XRCC4: variants seen among roughly 807,000 people sequenced by gnomAD.
The protein encoded by XRCC4 is X-ray repair cross complementing 4.
XRCC4 carries 28 observed loss-of-function variants against 39.1 expected under a neutral mutation model. The observed-to-expected ratio is 0.72, with a 90% CI of 0.53 to 0.98. The LOEUF (loss-of-function observed/expected upper bound fraction) is 0.98, where lower values mean the gene tolerates loss of function less well. Ranked by LOEUF, XRCC4 falls within the 50% of genes least tolerant of loss-of-function variation. XRCC4 has a pLI of 0.00. For synonymous variants in XRCC4, 123 were observed against 126.4 expected (o/e 0.97, Z 0.18); for missense variants, 350 against 376.4 (o/e 0.93, Z 0.58).
At chr5:83,253,542 A>G (rs1487993862) in intron 6 of XRCC4, among the ~76,000 whole-genome samples, 2 of 151,926 alleles carry the variant, frequency 1.3e-5, no homozygotes, top group African/African-American at 4.8e-5. Flanking sequence ...GCTAGAGATG[A>G]GCATATCTGT....
intron 3 of XRCC4, among the ~76,000 whole-genome samples, chr5:83,116,608 CTTTTTTTTTTT>C (rs559079642): frequency 1.3e-4 from 13 of 103,196 alleles, no homozygotes; most frequent in Admixed American, 2.6e-4. Context: ...TTCTCTCTCT[CTTTTTTTTTTT>C]TTTTTTTTTT....
intron 7 of XRCC4, among the ~76,000 whole-genome samples, chr5:83,308,434 C>G (rs1755565911): frequency 6.6e-6 from 1 of 151,938 alleles, no homozygotes; most frequent in Non-Finnish European, 1.5e-5. Flanking sequence ...CCACTTTTAA[C>G]CATTTATATT....
intron 3 of XRCC4, among the ~76,000 whole-genome samples, chr5:83,130,508 C>CT (rs1217770860): frequency 1.3e-5 from 2 of 152,096 alleles, no homozygotes; most frequent in Non-Finnish European, 2.9e-5. Flanking sequence ...AGGATTCCCT[C>CT]TTTTTTTATT....
chr5:83,231,819 T>C (rs1752505848), intron 6 of XRCC4, among the ~76,000 whole-genome samples: 1 of 152,134 alleles, frequency 6.6e-6, no homozygotes, highest in Admixed American at 6.6e-5. Context: ...CATTCACTGT[T>C]CTTTGGCTGG....
At chr5:83,364,767 C>T in the XRCC4 span, among the ~76,000 whole-genome samples, 1 of 152,214 alleles carries the variant, frequency 6.6e-6, no homozygotes, top group Non-Finnish European at 1.5e-5. Flanking sequence ...TCCTGTCTTG[C>T]ATTTTCAACA....
rs182445912 is a variant in XRCC4 at position 83,234,083 on chromosome 5, T to A, written c.746-24447T>A. Among the ~76,000 whole-genome samples the A allele has an allele frequency of 1.5e-3, 235 of 152,170 alleles. 3 individuals carry two copies. In the South Asian group the frequency reaches 0.019, roughly 13 times the overall value. ...ATCTCACTTTTTTAATCTGTGAAATTTAAGGAGAAAATTAGGTAATCTGCA... is the reference window on the plus strand; with the variant it reads ...ATCTCACTTTTTTAATCTGTGAAATATAAGGAGAAAATTAGGTAATCTGCA... On this transcript the variant is annotated intron_variant, in intron 6 of 7. Transcript: ENST00000396027.
Position 83,090,818 on chromosome 5 carries a change from G to C in XRCC4, c.-11+13203G>C, listed in dbSNP as rs1745393249. 1.3e-5 allele frequency among the ~76,000 whole-genome samples: 2 copies of C among 152,112 alleles called. 1 individual carries two copies. Among genetic ancestry groups the C allele is most frequent in the South Asian group, 4.1e-4 (2 of 4,834 alleles). ...TGCCAACTCTGTGCGAGGAGCAGGG[G>C]ACAAAGTTCAAACATATTTCTTATA... On this transcript the variant is annotated intron_variant, in intron 1 of 7. Transcript: ENST00000396027.
intron 3 of XRCC4, among the ~76,000 whole-genome samples, chr5:83,113,426 G>A (rs1746543716): frequency 6.6e-6 from 1 of 152,160 alleles, no homozygotes; most frequent in Non-Finnish European, 1.5e-5. Flanking sequence ...CACAGTGCAA[G>A]CTGTCGGTGG....
intron 3 of XRCC4, among the ~76,000 whole-genome samples, chr5:83,141,833 GA>G (rs1748191272): frequency 7.9e-6 from 1 of 126,324 alleles, no homozygotes; most frequent in Non-Finnish European, 1.7e-5. Context: ...CAGATATTCT[GA>G]ATCTTGTACA....
intron 6 of XRCC4, among the ~76,000 whole-genome samples, chr5:83,227,574 G>C (rs1020793851): frequency 1.3e-5 from 2 of 151,912 alleles, no homozygotes; most frequent in African/African-American, 4.8e-5. Flanking sequence ...TTTCAAGATC[G>C]TTATCTAAAG....
In XRCC4 at chr5:83,282,105, C is replaced by T. The variant is rs141899036; in HGVS notation, c.893+23428C>T. Among the ~76,000 whole-genome samples the T allele has an allele frequency of 6.0e-3, 906 of 152,262 alleles. 8 individuals are homozygous for T. The highest frequency in any genetic ancestry group is 6.4e-3 in the Non-Finnish European group (436 of 68,022). On this transcript the variant is annotated intron_variant, in intron 7 of 7. Transcript: ENST00000396027. Reference sequence around the variant, plus strand: ...AATATGTCAGAAATAGATTCTGATTCAAATGCTACAATTGGGGTTAGTTAC... The same window carrying T: ...AATATGTCAGAAATAGATTCTGATTTAAATGCTACAATTGGGGTTAGTTAC...
chr5:83,164,280 C>T (rs1297571234), intron 3 of XRCC4, among the ~76,000 whole-genome samples: 1 of 152,084 alleles, frequency 6.6e-6, no homozygotes. Flanking sequence ...GAGTGAATTT[C>T]AAACGTTTAA....
At chr5:83,172,762 T>A (rs1749786683) in intron 3 of XRCC4, among the ~76,000 whole-genome samples, 1 of 152,170 alleles carries the variant, frequency 6.6e-6, no homozygotes, top group Admixed American at 6.5e-5. Flanking sequence ...GACAGGGTGG[T>A]TCCTCTAGGT....
At chr5:83,123,310 A>G (rs1194489335) in intron 3 of XRCC4, among the ~76,000 whole-genome samples, 1 of 151,858 alleles carries the variant, frequency 6.6e-6, no homozygotes, top group African/African-American at 2.4e-5. Context: ...TATTGATGTT[A>G]TTTGTCCTGA....
chr5:83,346,437 C>G (rs879262531), intron 7 of XRCC4, among the ~76,000 whole-genome samples: 4 of 152,068 alleles, frequency 2.6e-5, no homozygotes, highest in Non-Finnish European at 5.9e-5. Flanking sequence ...GAACATATAC[C>G]TGAATGTTAA....
chr5:83,359,316 C>T, the XRCC4 span, among the ~76,000 whole-genome samples: 2 of 152,132 alleles, frequency 1.3e-5, no homozygotes, highest in East Asian at 3.9e-4. Context: ...ATACAGTACC[C>T]ATGCTTTATA....
intron 4 of XRCC4, among the ~76,000 whole-genome samples, chr5:83,200,715 A>G (rs1751152730): frequency 1.3e-5 from 2 of 152,190 alleles, no homozygotes; most frequent in African/African-American, 4.8e-5. Context: ...AAAATTTAAT[A>G]TAAGAAATTG....
rs369459511 is a variant in XRCC4, at chr5:83,256,467, A to G, written c.746-2063A>G. Among the ~76,000 whole-genome samples, 12 of 152,210 alleles carry G rather than the reference A, an allele frequency of 7.9e-5. No individual in the cohort carries two copies. In the South Asian group the frequency reaches 2.5e-3, roughly 32 times the overall value. ...AACTTAATATTCTTTTTTCCTAGATATCCGCTGTGACATTAAATATAATCT... is the reference window on the plus strand; with the variant it reads ...AACTTAATATTCTTTTTTCCTAGATGTCCGCTGTGACATTAAATATAATCT... On this transcript the variant is annotated intron_variant, in intron 6 of 7. Transcript: ENST00000396027.
At chr5:83,114,878 T>A (rs1746634306) in intron 3 of XRCC4, among the ~76,000 whole-genome samples, 1 of 151,900 alleles carries the variant, frequency 6.6e-6, no homozygotes, top group African/African-American at 2.4e-5. Flanking sequence ...GCTGGGTAGT[T>A]TATAAAGGAA....
Sources: allele counts gnomAD v4.1 joint callset (sites outside exome capture counted in the v4.1 genomes callset), GRCh38; gene constraint gnomAD v4.1.1; transcripts MANE v1.5; gene names NCBI Gene and HGNC (gene_info 2026-07-23, HGNC 2026-07-21).